The following ZNF609 variants were observed in gnomAD, a reference collection of about 807,000 sequenced individuals.
The protein encoded by ZNF609 is zinc finger protein 609.
A neutral mutation model predicts 109.5 loss-of-function variants in ZNF609; 11 were observed. The ratio of observed to expected loss-of-function variants is 0.10; its 90% CI spans 0.06 to 0.17. The LOEUF is 0.17. Ranked by LOEUF, ZNF609 falls within the 10% of genes least tolerant of loss-of-function variation. The pLI is 1.00. For missense variants in ZNF609, 1,559 were observed against 1,772.4 expected (o/e 0.88, Z 2.16); for synonymous variants, 646 against 662.0 (o/e 0.98, Z 0.37).
chr15:64,569,307 G>C (rs545678919), intron 2 of ZNF609, among the ~76,000 whole-genome samples: 1 of 152,312 alleles, frequency 6.6e-6, no homozygotes, highest in South Asian at 2.1e-4. Context: ...TACCAGGAGA[G>C]CTAGAACCTC....
At position 64,576,201 on chromosome 15, in the gene ZNF609, C is replaced by T. The variant is rs74019263; in HGVS notation, c.748-46626C>T. Among the ~76,000 whole-genome samples the T allele has an allele frequency of 2.3e-3, 353 of 152,180 alleles. 2 individuals are homozygous for T. The highest frequency in any genetic ancestry group is 8.0e-3 in the African/African-American group (331 of 41,528). ...TTGAGAAACCAAAACCCCTGGTTTG[C>T]CTTCTTTTAGGTCAAATTTATCTAC... On this transcript the variant is annotated intron_variant, in intron 2 of 9. Transcript: ENST00000326648.
At chr15:64,501,454 G>C (rs1011480554) in intron 2 of ZNF609, 2 of 152,200 alleles carry the variant, frequency 1.3e-5, no homozygotes, top group Admixed American at 6.5e-5. Context: ...TTTACCAGTG[G>C]CAGCTGCCAG....
intron 2 of ZNF609, among the ~76,000 whole-genome samples, chr15:64,605,247 A>G (rs1202223583): frequency 6.6e-6 from 1 of 152,218 alleles, no homozygotes; most frequent in African/African-American, 2.4e-5. Flanking sequence ...AAGAAACAGT[A>G]TAACCTGTAT....
intron 3 of ZNF609, among the ~76,000 whole-genome samples, chr15:64,650,668 A>T (rs1896403817): frequency 6.6e-6 from 1 of 151,910 alleles, no homozygotes; most frequent in South Asian, 2.1e-4. Context: ...CTTAGATCCA[A>T]TAACTGTGTC....
intron 2 of ZNF609, among the ~76,000 whole-genome samples, chr15:64,576,839 AAAAAAG>A (rs1894962148): frequency 6.8e-6 from 1 of 146,614 alleles, no homozygotes; most frequent in South Asian, 2.1e-4. Context: ...AAAAAAAAAA[AAAAAAG>A]AATGAACTGA....
intron 1 of ZNF609, among the ~76,000 whole-genome samples, chr15:64,481,319 CTT>C (rs889184379): frequency 1.8e-4 from 23 of 127,252 alleles, no homozygotes; most frequent in Admixed American, 3.2e-4. Context: ...TTTCTTTTTT[CTT>C]TTTTTTTTTT....
At chr15:64,525,129 ATTCT>A (rs961687921) in intron 2 of ZNF609, among the ~76,000 whole-genome samples, 4 of 152,110 alleles carry the variant, frequency 2.6e-5, no homozygotes, top group Non-Finnish European at 5.9e-5. Context: ...AAGATATCTG[ATTCT>A]TTGTCAATAT....
chr15:64,563,980 T>C (rs1327342460), intron 2 of ZNF609, among the ~76,000 whole-genome samples: 1 of 151,838 alleles, frequency 6.6e-6, no homozygotes, highest in Non-Finnish European at 1.5e-5. Context: ...ACCTCCTGGG[T>C]TCAAGCGATT....
intron 2 of ZNF609, among the ~76,000 whole-genome samples, chr15:64,536,865 G>C (rs1307295009): frequency 7.4e-6 from 1 of 134,748 alleles, no homozygotes; most frequent in South Asian, 2.5e-4. Flanking sequence ...AGCCGGAATT[G>C]TGCCACTGCA....
chr15:64,618,022 A>C lies in ZNF609; in HGVS notation c.748-4805A>C, dbSNP rs112117744. Among the ~76,000 whole-genome samples, 746 of 152,254 alleles carry C rather than the reference A, an allele frequency of 4.9e-3. 1 individual carries two copies. The highest frequency in any genetic ancestry group is 0.016 in the African/African-American group (656 of 41,548). ...AGGCATCTAATGACCTTAACTTTTT[A>C]ATATTCCTATACCTTATTTTCCCTC... is the stretch of plus-strand genomic sequence containing the variant. On this transcript the variant is annotated intron_variant, in intron 2 of 9. Transcript: ENST00000326648.
chr15:64,578,678 C>T (rs1164394961), intron 2 of ZNF609, among the ~76,000 whole-genome samples: 3 of 152,066 alleles, frequency 2.0e-5, no homozygotes, highest in African/African-American at 4.8e-5. Flanking sequence ...GGCGACGGAA[C>T]AAGACTCTGT....
intron 1 of ZNF609, among the ~76,000 whole-genome samples, chr15:64,497,946 CAG>C (rs1893508223): frequency 6.6e-6 from 1 of 151,364 alleles, no homozygotes; most frequent in Non-Finnish European, 1.5e-5. Flanking sequence ...AGGTGGTGGA[CAG>C]AGGAATAAGC....
rs764325338 is a variant in ZNF609, at chr15:64,680,628, C to T, written c.3946-18C>T. 1 of 1,563,600 alleles carries T rather than the reference C, an allele frequency of 6.4e-7. No homozygotes were observed. Among genetic ancestry groups the T allele is most frequent in the Non-Finnish European group, 8.7e-7 (1 of 1,152,170 alleles). Reference sequence around the variant, plus strand: ...GTGTCTCACTATAGTGCTTTTGTGTCTCTGGTTTCCTTTCCAGATAAGTGA... The same window carrying T: ...GTGTCTCACTATAGTGCTTTTGTGTTTCTGGTTTCCTTTCCAGATAAGTGA... On this transcript the variant is annotated intron_variant, in intron 7 of 9. Coordinates refer to ENST00000326648, the MANE Select transcript of ZNF609 (RefSeq NM_015042.2).
chr15:64,583,042 C>G (rs1191178470), intron 2 of ZNF609, among the ~76,000 whole-genome samples: 1 of 150,818 alleles, frequency 6.6e-6, no homozygotes. Flanking sequence ...TGAGCCACCA[C>G]GCCGGGCCAA....
chr15:64,546,318 C>G (rs1894359182), intron 2 of ZNF609, among the ~76,000 whole-genome samples: 3 of 152,178 alleles, frequency 2.0e-5, no homozygotes, highest in African/African-American at 7.2e-5. Flanking sequence ...GATCACTGCT[C>G]ACTGCAGCCT....
intron 3 of ZNF609, among the ~76,000 whole-genome samples, chr15:64,658,457 A>G (rs770592579): frequency 2.0e-5 from 3 of 152,116 alleles, no homozygotes; most frequent in Non-Finnish European, 2.9e-5. Flanking sequence ...TCAGCCTCCC[A>G]AAGTGCTGGG....
chr15:64,488,934 G>A (rs1297951306), intron 1 of ZNF609, among the ~76,000 whole-genome samples: 1 of 150,964 alleles, frequency 6.6e-6, no homozygotes. Context: ...AAGAAAGAAA[G>A]AAAGAAAGAA....
chr15:64,474,444 C>G (rs911206254), intron 1 of ZNF609, among the ~76,000 whole-genome samples: 1 of 151,688 alleles, frequency 6.6e-6, no homozygotes, highest in Admixed American at 6.6e-5. Flanking sequence ...AACTCCCGAC[C>G]TCAGGTGATC....
chr15:64,634,234 T>A (rs1896134252), intron 3 of ZNF609, among the ~76,000 whole-genome samples: 1 of 152,160 alleles, frequency 6.6e-6, no homozygotes, highest in Non-Finnish European at 1.5e-5. Context: ...CATTCGGCCC[T>A]ACTTCAAACT....
Sources: gnomAD v4.1 joint callset for allele counts (sites outside exome capture counted in the v4.1 genomes callset) on GRCh38, gnomAD v4.1.1 for gene constraint, MANE v1.5 for transcripts, NCBI Gene and HGNC (gene_info 2026-07-23, HGNC 2026-07-21) for gene names.